Variants in XNDC1N observed in about 807,000 individuals in gnomAD.
XNDC1N encodes the protein protein XNDC1N.
the XNDC1N span, among the ~76,000 whole-genome samples, chr11:71,888,608 C>T: frequency 2.6e-5 from 4 of 152,294 alleles, no homozygotes; most frequent in East Asian, 7.7e-4. Context: ...GGGGGCCTAC[C>T]TCTCTCAACA....
At chr11:71,919,375 C>T in the XNDC1N span, among the ~76,000 whole-genome samples, 6 of 140,024 alleles carry the variant, frequency 4.3e-5, no homozygotes, top group South Asian at 4.6e-4. Flanking sequence ...TTCCAGGTTT[C>T]GGAAAGCAGA....
the XNDC1N span, among the ~76,000 whole-genome samples, chr11:71,909,824 GCAAGCTGAGAGCCA>G: frequency 1.8e-3 from 272 of 152,328 alleles, 2 homozygotes; most frequent in Middle Eastern, 0.017. Flanking sequence ...GACTTGCTCA[GCAAGCTGAGAGCCA>G]CTATCTCTTT....
chr11:71,900,462 G>A, the XNDC1N span, among the ~76,000 whole-genome samples: 2 of 152,010 alleles, frequency 1.3e-5, no homozygotes, highest in African/African-American at 4.8e-5. Context: ...GTGGACAGAT[G>A]GGAGGAGACC....
the XNDC1N span, among the ~76,000 whole-genome samples, chr11:71,898,451 A>G: frequency 6.6e-6 from 1 of 152,074 alleles, no homozygotes; most frequent in Non-Finnish European, 1.5e-5. Context: ...TATTAAAAAT[A>G]CAAAAATTAG....
At chr11:71,890,208 T>C in the XNDC1N span, among the ~76,000 whole-genome samples, 2 of 152,150 alleles carry the variant, frequency 1.3e-5, no homozygotes, top group African/African-American at 4.8e-5. Flanking sequence ...CCCCGGATAT[T>C]AGAGACAATA....
the XNDC1N span, among the ~76,000 whole-genome samples, chr11:71,892,748 T>A: frequency 6.6e-6 from 1 of 152,148 alleles, no homozygotes; most frequent in African/African-American, 2.4e-5. Context: ...CTGGAACTCC[T>A]GACCTCAGGT....
chr11:71,925,246 G>A, the XNDC1N span, among the ~76,000 whole-genome samples: 25 of 151,824 alleles, frequency 1.6e-4, no homozygotes, highest in Non-Finnish European at 3.1e-4. Context: ...AGCTCTCGGC[G>A]GACAGGTTTC....
At chr11:71,919,656 A>T in the XNDC1N span, among the ~76,000 whole-genome samples, 1 of 133,628 alleles carries the variant, frequency 7.5e-6, no homozygotes, top group African/African-American at 3.0e-5. Context: ...CTCACTCCGT[A>T]GCCCAGGCTA....
At chr11:71,886,597 C>T in the XNDC1N span, among the ~76,000 whole-genome samples, 16 of 152,240 alleles carry the variant, frequency 1.1e-4, no homozygotes, top group South Asian at 2.1e-3. Context: ...CTGTGGGAGG[C>T]CTATCGTATG....
chr11:71,923,619 A>T, the XNDC1N span: 1 of 437,158 alleles, frequency 2.3e-6, no homozygotes, highest in Non-Finnish European at 4.1e-6. Flanking sequence ...GCAGTGGCGC[A>T]ATCTTGGCTC....
At chr11:71,906,761 A>T in the XNDC1N span, among the ~76,000 whole-genome samples, 2 of 152,176 alleles carry the variant, frequency 1.3e-5, no homozygotes, top group Admixed American at 6.5e-5. Flanking sequence ...ACCCCGTGTG[A>T]CGTTAGGAGT....
chr11:71,867,700 T>C, the XNDC1N span, among the ~76,000 whole-genome samples: 3 of 152,258 alleles, frequency 2.0e-5, no homozygotes, highest in Non-Finnish European at 4.4e-5. Flanking sequence ...AATATTGTTT[T>C]ATGGCCAATC....
At chr11:71,881,977 T>C in the XNDC1N span, among the ~76,000 whole-genome samples, 1 of 151,628 alleles carries the variant, frequency 6.6e-6, no homozygotes. Context: ...AAATTGAAAA[T>C]AAACAAAATC....
the XNDC1N span, among the ~76,000 whole-genome samples, chr11:71,881,812 T>C: frequency 6.6e-6 from 1 of 151,396 alleles, no homozygotes; most frequent in African/African-American, 2.4e-5. Context: ...CTTCCAAAAC[T>C]TAAAAGCAAA....
the XNDC1N span, among the ~76,000 whole-genome samples, chr11:71,899,032 G>T: frequency 5.3e-5 from 8 of 152,198 alleles, no homozygotes; most frequent in South Asian, 1.5e-3. Flanking sequence ...TAGAGGAAGA[G>T]CCCCAAATCT....
At chr11:71,865,857 G>A in the XNDC1N span, 1 of 443,478 alleles carries the variant, frequency 2.3e-6, no homozygotes, top group South Asian at 1.6e-5. Flanking sequence ...TCTCCCACCT[G>A]TGAGCAAAAA....
chr11:71,900,504 C>A, the XNDC1N span, among the ~76,000 whole-genome samples: 1 of 152,256 alleles, frequency 6.6e-6, no homozygotes, highest in East Asian at 1.9e-4. Context: ...GCAGACTGTG[C>A]AGTTTCTGTT....
At chr11:71,905,778 A>G in the XNDC1N span, among the ~76,000 whole-genome samples, 2 of 152,006 alleles carry the variant, frequency 1.3e-5, no homozygotes, top group African/African-American at 4.8e-5. Flanking sequence ...ATATCACAGG[A>G]TGTACACACA....
the XNDC1N span, among the ~76,000 whole-genome samples, chr11:71,887,524 C>T: frequency 1.3e-5 from 2 of 151,834 alleles, no homozygotes; most frequent in Non-Finnish European, 2.9e-5. Context: ...TCTGGCTAAG[C>T]GGTGGCCAAG....
Sources: gnomAD v4.1 joint callset for allele counts (sites outside exome capture counted in the v4.1 genomes callset) on GRCh38, gnomAD v4.1.1 for gene constraint, MANE v1.5 for transcripts, NCBI Gene and HGNC (gene_info 2026-07-23, HGNC 2026-07-21) for gene names.